The following TCERG1L variants were observed in gnomAD, a reference collection of about 807,000 sequenced individuals.
The protein encoded by TCERG1L is transcription elongation regulator 1-like protein.
Under a neutral mutation model 56.3 loss-of-function variants are expected in TCERG1L, and 37 were observed. That is an observed-to-expected ratio of 0.66 (90% CI 0.51 to 0.87). The LOEUF (loss-of-function observed/expected upper bound fraction) is 0.87. TCERG1L is among the 40% of genes least tolerant of loss of function. The pLI, the probability that TCERG1L is intolerant of heterozygous loss-of-function variation, is 0.00. For missense variants in TCERG1L, 799 were observed against 774.2 expected (o/e 1.03, Z -0.38); for synonymous variants, 324 against 326.3 (o/e 0.99, Z 0.08).
chr10:131,140,309 C>A (rs1267834414), intron 7 of TCERG1L, among the ~76,000 whole-genome samples: 1 of 152,102 alleles, frequency 6.6e-6, no homozygotes, highest in East Asian at 1.9e-4. Flanking sequence ...AGGAGCTCAG[C>A]CCCACAGGAC....
chr10:131,180,303 C>T (rs542012304), intron 4 of TCERG1L, among the ~76,000 whole-genome samples: 4 of 152,228 alleles, frequency 2.6e-5, no homozygotes, highest in Admixed American at 6.5e-5. Flanking sequence ...AACGCAGGAG[C>T]GAGGCCAGCT....
chr10:131,230,812 G>A (rs1407617624), intron 4 of TCERG1L, among the ~76,000 whole-genome samples: 1 of 152,238 alleles, frequency 6.6e-6, no homozygotes, highest in African/African-American at 2.4e-5. Context: ...AAAAGATGCT[G>A]CTGCTACTGG....
intron 6 of TCERG1L, among the ~76,000 whole-genome samples, chr10:131,160,193 C>T (rs1486090656): frequency 1.3e-5 from 2 of 152,202 alleles, no homozygotes; most frequent in Admixed American, 6.5e-5. Flanking sequence ...ACACAGGAGG[C>T]GCCCACCTGG....
chr10:131,131,561 A>G (rs938045867), intron 8 of TCERG1L, among the ~76,000 whole-genome samples: 1 of 152,218 alleles, frequency 6.6e-6, no homozygotes, highest in Non-Finnish European at 1.5e-5. Context: ...AGTAATTTGA[A>G]TGCTTGTCAT....
chr10:131,223,297 G>A (rs1368427159), intron 4 of TCERG1L, among the ~76,000 whole-genome samples: 2 of 152,178 alleles, frequency 1.3e-5, no homozygotes, highest in Non-Finnish European at 2.9e-5. Context: ...CCACCCTGGT[G>A]CAGACCCCAA....
At chr10:131,108,745 G>A (rs919816282) in intron 9 of TCERG1L, among the ~76,000 whole-genome samples, 2 of 152,230 alleles carry the variant, frequency 1.3e-5, no homozygotes, top group Admixed American at 1.3e-4. Context: ...GCTGAGATGA[G>A]GTGCCGGCAG....
At chr10:131,176,520 GCACA>G (rs577151054) in intron 4 of TCERG1L, among the ~76,000 whole-genome samples, 320 of 143,932 alleles carry the variant, frequency 2.2e-3, no homozygotes, top group Middle Eastern at 4.1e-3. Flanking sequence ...AGAGACACAT[GCACA>G]CACAAACACG....
chr10:131,148,891 C>T (rs74968899), intron 6 of TCERG1L, among the ~76,000 whole-genome samples: 5,969 of 152,332 alleles, frequency 0.039, 199 homozygotes, highest in South Asian at 0.19. Context: ...AATCAATGGG[C>T]TTCCCCCTCG....
chr10:131,168,323 C>A (rs973122000), intron 4 of TCERG1L, among the ~76,000 whole-genome samples: 1 of 152,170 alleles, frequency 6.6e-6, no homozygotes, highest in African/African-American at 2.4e-5. Context: ...AAACTGGGGC[C>A]CCTCTGCAGC....
intron 7 of TCERG1L, among the ~76,000 whole-genome samples, chr10:131,142,892 T>C (rs1404251230): frequency 6.6e-6 from 1 of 152,158 alleles, no homozygotes; most frequent in Non-Finnish European, 1.5e-5. Context: ...ACAGCTCCCC[T>C]TGAGGTGAGA....
At chr10:131,269,460 T>C (rs1028499891) in intron 3 of TCERG1L, among the ~76,000 whole-genome samples, 1 of 152,202 alleles carries the variant, frequency 6.6e-6, no homozygotes, top group African/African-American at 2.4e-5. Flanking sequence ...GTGCTGGGAT[T>C]ATAGGCATGA....
At chr10:131,279,146 T>A (rs1194749739) in intron 3 of TCERG1L, among the ~76,000 whole-genome samples, 1 of 152,174 alleles carries the variant, frequency 6.6e-6, no homozygotes, top group Non-Finnish European at 1.5e-5. Flanking sequence ...GAGCCCTAGA[T>A]TAGATGAGAT....
In TCERG1L at chr10:131,282,137, GAAAA is replaced by G. The variant is rs543405432; in HGVS notation, c.671-21697_671-21694del. On this transcript the variant is annotated intron_variant, in intron 3 of 11. Transcript: ENST00000368642. ...GGCGAAAGAGCAAGACTCCATCTCAGAAAAAAAAAAAAAAAAAAAAAAAAGAAAA... is the reference window on the plus strand; with the variant it reads ...GGCGAAAGAGCAAGACTCCATCTCAGAAAAAAAAAAAAAAAAAAAAGAAAA... Among the ~76,000 whole-genome samples the G allele has an allele frequency of 6.5e-4, 60 of 92,538 alleles. No individual in the cohort carries two copies. In the East Asian group the frequency reaches 0.013, roughly 20 times the overall value. The allele number at this position is 92,538 out of a possible 152,430, so 60.7% of individuals were successfully genotyped here.
intron 4 of TCERG1L, among the ~76,000 whole-genome samples, chr10:131,241,458 CG>C (rs1292169044): frequency 1.3e-5 from 2 of 152,016 alleles, no homozygotes; most frequent in African/African-American, 4.8e-5. Flanking sequence ...TGACATGCAA[CG>C]CATCGTCCAT....
At chr10:131,274,492 T>A (rs1401216875) in intron 3 of TCERG1L, among the ~76,000 whole-genome samples, 1 of 152,210 alleles carries the variant, frequency 6.6e-6, no homozygotes, top group Admixed American at 6.5e-5. Context: ...CCCAGGCACA[T>A]CCCTTTCATT....
intron 4 of TCERG1L, among the ~76,000 whole-genome samples, chr10:131,168,862 C>T (rs1846060875): frequency 6.6e-6 from 1 of 152,210 alleles, no homozygotes; most frequent in African/African-American, 2.4e-5. Flanking sequence ...CCAAGGCCGA[C>T]CACAGGGCTC....
chr10:131,273,551 G>A (rs1846361806), intron 3 of TCERG1L, among the ~76,000 whole-genome samples: 1 of 152,232 alleles, frequency 6.6e-6, no homozygotes, highest in Admixed American at 6.5e-5. Flanking sequence ...ACGCAGTGGT[G>A]GGGGCTGACC....
At chr10:131,239,748 CT>C (rs1369374154) in intron 4 of TCERG1L, among the ~76,000 whole-genome samples, 1 of 152,246 alleles carries the variant, frequency 6.6e-6, no homozygotes, top group African/African-American at 2.4e-5. Context: ...TGGCCTTCGG[CT>C]CAGGCTCCCG....
chr10:131,283,099 C>T (rs941128148), intron 3 of TCERG1L, among the ~76,000 whole-genome samples: 2 of 152,220 alleles, frequency 1.3e-5, no homozygotes, highest in African/African-American at 2.4e-5. Context: ...TGCACGTAGG[C>T]TACAGAAGCT....
Sources: allele counts gnomAD v4.1 joint callset (sites outside exome capture counted in the v4.1 genomes callset), GRCh38; gene constraint gnomAD v4.1.1; transcripts MANE v1.5; gene names NCBI Gene and HGNC (gene_info 2026-07-23, HGNC 2026-07-21).